Variants in MKLN1 observed in about 807,000 individuals in gnomAD.
MKLN1 encodes muskelin 1, also known as muskelin.
MKLN1 carries 18 observed loss-of-function variants against 99.0 expected under a neutral mutation model. The ratio of observed to expected loss-of-function variants is 0.18; its 90% CI spans 0.13 to 0.27. MKLN1 has a LOEUF of 0.27. MKLN1 is among the 10% of genes least tolerant of loss of function. The pLI, the probability that MKLN1 is intolerant of heterozygous loss-of-function variation, is 1.00. For synonymous variants in MKLN1, 288 were observed against 293.2 expected (o/e 0.98, Z 0.18); for missense variants, 621 against 875.9 (o/e 0.71, Z 3.67).
chr7:131,191,408 G>A (rs1420509604), intron 2 of MKLN1, among the ~76,000 whole-genome samples: 1 of 152,180 alleles, frequency 6.6e-6, no homozygotes, highest in Non-Finnish European at 1.5e-5. Flanking sequence ...CAGTGTTGTG[G>A]TGTGTGAGTG....
intron 13 of MKLN1, among the ~76,000 whole-genome samples, chr7:131,463,898 T>C (rs982965727): frequency 6.6e-6 from 1 of 152,202 alleles, no homozygotes; most frequent in African/African-American, 2.4e-5. Flanking sequence ...CCATTCATAA[T>C]GGGGAATAGT....
intron 14 of MKLN1, among the ~76,000 whole-genome samples, chr7:131,465,363 T>C (rs933831934): frequency 2.0e-5 from 3 of 152,186 alleles, no homozygotes; most frequent in Non-Finnish European, 2.9e-5. Context: ...CACTGTTTTG[T>C]CTTCCAAAGT....
chr7:131,337,298 C>T (rs539445802), intron 1 of MKLN1, among the ~76,000 whole-genome samples: 56 of 152,184 alleles, frequency 3.7e-4, no homozygotes, highest in Non-Finnish European at 6.2e-4. Context: ...AATATTGTTT[C>T]TGCCCCATTT....
At chr7:131,434,161 C>G (rs1795610248) in intron 9 of MKLN1, among the ~76,000 whole-genome samples, 2 of 152,158 alleles carry the variant, frequency 1.3e-5, no homozygotes, top group Non-Finnish European at 2.9e-5. Flanking sequence ...GCTGGGATTA[C>G]AGGCATGAGC....
intron 1 of MKLN1, among the ~76,000 whole-genome samples, chr7:131,345,194 G>A (rs1229384035): frequency 6.6e-6 from 1 of 152,180 alleles, no homozygotes; most frequent in Non-Finnish European, 1.5e-5. Context: ...AGTAGTACAG[G>A]AACAGTCCAG....
intron 15 of MKLN1, among the ~76,000 whole-genome samples, chr7:131,470,181 G>T (rs1348260112): frequency 6.6e-6 from 1 of 151,700 alleles, no homozygotes; most frequent in African/African-American, 2.4e-5. Context: ...TGTTTTTTTT[G>T]TGTGATAAAC....
Position 131,192,121 on chromosome 7 carries a change from GTATA to G in MKLN1, c.-296-10729_-296-10726del, listed in dbSNP as rs1226973952. Among the ~76,000 whole-genome samples, 3 of 72,344 alleles carry G rather than the reference GTATA, an allele frequency of 4.1e-5. 1 individual carries two copies. The highest frequency in any genetic ancestry group is 2.5e-4 in the East Asian group (1 of 3,922). The allele number at this position is 72,344 out of a possible 152,430, so 47.5% of individuals were successfully genotyped here. On this transcript the variant is annotated intron_variant, in intron 2 of 7. Transcript: ENST00000416992. ...ATGTATATATATATTATATATATAC[GTATA>G]TATATAAAAATATATATACGTATAT...
intron 2 of MKLN1, among the ~76,000 whole-genome samples, chr7:131,380,839 A>G (rs1243326425): frequency 6.6e-6 from 1 of 152,168 alleles, no homozygotes; most frequent in African/African-American, 2.4e-5. Flanking sequence ...CCCTTAAACT[A>G]TGGCAAGTAT....
At chr7:131,192,088 A>G in intron 2 of MKLN1, among the ~76,000 whole-genome samples, 1 of 80,714 alleles carries the variant, frequency 1.2e-5, no homozygotes, top group African/African-American at 4.8e-5. Flanking sequence ...CATATATATT[A>G]TATATATATG....
intron 8 of MKLN1, among the ~76,000 whole-genome samples, chr7:131,423,628 G>A (rs185174935): frequency 1.8e-4 from 27 of 152,218 alleles, no homozygotes; most frequent in African/African-American, 6.3e-4. Flanking sequence ...CACCACATCC[G>A]GCCTGAAAGT....
chr7:131,427,817 G>A (rs1189533828), intron 8 of MKLN1, among the ~76,000 whole-genome samples: 1 of 151,802 alleles, frequency 6.6e-6, no homozygotes, highest in African/African-American at 2.4e-5. Flanking sequence ...GCCCCTCAAA[G>A]TGCTGGGATT....
intron 3 of MKLN1, among the ~76,000 whole-genome samples, chr7:131,254,677 C>A (rs1797632069): frequency 6.6e-6 from 1 of 150,700 alleles, no homozygotes; most frequent in Non-Finnish European, 1.5e-5. Flanking sequence ...TTAGAGGGGC[C>A]CAATAGTAGA....
At chr7:131,419,774 CAG>C (rs532368113) in intron 8 of MKLN1, among the ~76,000 whole-genome samples, 10 of 152,016 alleles carry the variant, frequency 6.6e-5, no homozygotes, top group Admixed American at 5.2e-4. Flanking sequence ...GAGGTGAAGT[CAG>C]AGAAAGAGAG....
intron 1 of MKLN1, among the ~76,000 whole-genome samples, chr7:131,110,578 T>C (rs1489428225): frequency 6.6e-6 from 1 of 152,166 alleles, no homozygotes; most frequent in Non-Finnish European, 1.5e-5. Flanking sequence ...CTGGGTTGTC[T>C]TGTTCAAAAC....
intron 1 of MKLN1, among the ~76,000 whole-genome samples, chr7:131,366,854 C>T (rs1208622853): frequency 6.6e-6 from 1 of 152,060 alleles, no homozygotes; most frequent in African/African-American, 2.4e-5. Context: ...TATTGCTAAG[C>T]AAGCTTAGGG....
chr7:131,141,375 C>T (rs867439212), intron 1 of MKLN1, among the ~76,000 whole-genome samples: 2 of 152,172 alleles, frequency 1.3e-5, no homozygotes, highest in African/African-American at 4.8e-5. Context: ...GAATGATATC[C>T]ACTATCCACC....
intron 3 of MKLN1, among the ~76,000 whole-genome samples, chr7:131,306,950 G>A (rs1050501395): frequency 5.9e-5 from 9 of 152,314 alleles, no homozygotes; most frequent in African/African-American, 1.7e-4. Flanking sequence ...AGGCCCAGAG[G>A]CCTAGGAGGG....
intron 12 of MKLN1, among the ~76,000 whole-genome samples, chr7:131,461,256 GT>G (rs35970015): frequency 5.3e-4 from 78 of 145,948 alleles, no homozygotes; most frequent in Admixed American, 2.4e-3. Context: ...TTTGTTTGCG[GT>G]TTTTTTTTTT....
At chr7:131,311,829 AT>A (rs34147407) in intron 3 of MKLN1, among the ~76,000 whole-genome samples, 66,880 of 148,082 alleles carry the variant, frequency 0.45, 16,217 homozygotes, top group Admixed American at 0.59. Context: ...TCTCTTTCCC[AT>A]TTTTTTTTTT....
Sources: gnomAD v4.1 joint callset for allele counts (sites outside exome capture counted in the v4.1 genomes callset) on GRCh38, gnomAD v4.1.1 for gene constraint, MANE v1.5 for transcripts, NCBI Gene and HGNC (gene_info 2026-07-23, HGNC 2026-07-21) for gene names.